The following PDE3A variants were observed in gnomAD, a reference collection of about 807,000 sequenced individuals.
The protein encoded by PDE3A is phosphodiesterase 3A.
PDE3A carries 43 observed loss-of-function variants against 98.3 expected under a neutral mutation model. The ratio of observed to expected loss-of-function variants is 0.44; its 90% confidence interval spans 0.34 to 0.56. The LOEUF is 0.56. PDE3A is among the 20% of genes least tolerant of loss of function. The probability of loss-of-function intolerance (pLI) is 0.01; values close to 1 mark genes in which losing one functional copy is unlikely to be tolerated. For synonymous variants in PDE3A, 663 were observed against 567.9 expected (o/e 1.17, Z -2.38); for missense variants, 1,427 against 1,440.7 (o/e 0.99, Z 0.15).
chr12:20,460,982 G>A (rs1237138103), intron 1 of PDE3A, among the ~76,000 whole-genome samples: 1 of 152,002 alleles, frequency 6.6e-6, no homozygotes, highest in Non-Finnish European at 1.5e-5. Context: ...TAGTATAATA[G>A]GCTACAGTAT....
intron 15 of PDE3A, 53 bp from the exon 16 acceptor site, chr12:20,679,977 T>C (rs1945734106): frequency 7.3e-7 from 1 of 1,374,162 alleles, no homozygotes; most frequent in Non-Finnish European, 9.9e-7. Flanking sequence ...GTTCATGTGC[T>C]CAGCACACAA....
chr12:20,592,177 G>T (rs1349156534), intron 2 of PDE3A, among the ~76,000 whole-genome samples: 1 of 152,058 alleles, frequency 6.6e-6, no homozygotes, highest in Non-Finnish European at 1.5e-5. Context: ...TGTTAGTTTG[G>T]ATTTAAGGGG....
intron 5 of PDE3A, among the ~76,000 whole-genome samples, chr12:20,622,995 TA>T (rs1243468143): frequency 2.0e-5 from 3 of 152,076 alleles, no homozygotes. Flanking sequence ...ATATTTAAAT[TA>T]AAATTTAATT....
At chr12:20,576,694 G>A (rs1395273765) in intron 2 of PDE3A, among the ~76,000 whole-genome samples, 3 of 152,046 alleles carry the variant, frequency 2.0e-5, no homozygotes, top group Admixed American at 1.3e-4. Context: ...TCAATTTACG[G>A]ATATTCACGG....
intron 15 of PDE3A, among the ~76,000 whole-genome samples, chr12:20,667,774 T>C (rs1305287710): frequency 1.3e-5 from 2 of 152,166 alleles, no homozygotes; most frequent in Non-Finnish European, 2.9e-5. Flanking sequence ...TCCATAGAGA[T>C]TTTGGAATTG....
chr12:20,669,604 T>G (rs1322586639), intron 15 of PDE3A, among the ~76,000 whole-genome samples: 2 of 151,940 alleles, frequency 1.3e-5, no homozygotes, highest in Non-Finnish European at 2.9e-5. Flanking sequence ...AAACTAAGCT[T>G]CATAAGCGAA....
intron 5 of PDE3A, among the ~76,000 whole-genome samples, chr12:20,623,034 A>C (rs577046613): frequency 1.5e-4 from 23 of 152,276 alleles, no homozygotes; most frequent in African/African-American, 5.5e-4. Flanking sequence ...AAGGAAAAAT[A>C]ATAGCAATGA....
At chr12:20,414,261 T>C (rs983594350) in intron 1 of PDE3A, among the ~76,000 whole-genome samples, 1 of 152,142 alleles carries the variant, frequency 6.6e-6, no homozygotes, top group Non-Finnish European at 1.5e-5. Flanking sequence ...TGGGAGCTTG[T>C]AGAAAAAGAA....
chr12:20,571,366 A>G (rs1348545036), intron 2 of PDE3A, among the ~76,000 whole-genome samples: 2 of 152,186 alleles, frequency 1.3e-5, no homozygotes, highest in South Asian at 2.1e-4. Context: ...CACCACAGCA[A>G]TAATATTGTA....
chr12:20,500,028 T>C (rs1445071852), intron 1 of PDE3A, among the ~76,000 whole-genome samples: 1 of 152,222 alleles, frequency 6.6e-6, no homozygotes, highest in African/African-American at 2.4e-5. Context: ...ACCAGCATAC[T>C]ACACTGTATC....
chr12:20,599,918 T>C lies in PDE3A; in HGVS notation c.1012-13525T>C, dbSNP rs568527092. Among the ~76,000 whole-genome samples, 262 of 152,312 alleles carry C rather than the reference T, an allele frequency of 1.7e-3. 3 individuals carry two copies. Among genetic ancestry groups the C allele is most frequent in the African/African-American group, 6.2e-3 (256 of 41,582 alleles). On this transcript the variant is annotated intron_variant, in intron 2 of 15. Coordinates refer to ENST00000359062, the MANE Select transcript of PDE3A (RefSeq NM_000921.5). Reference sequence around the variant, plus strand: ...TAGTCTGTAGAGTTGCCAGTGACCTTCCAAATACTAAACTCATAAACATTT... The same window carrying C: ...TAGTCTGTAGAGTTGCCAGTGACCTCCCAAATACTAAACTCATAAACATTT...
rs1347792146 is a variant in PDE3A, at chr12:20,684,887, G to GT, written c.*4617dup. Among the ~76,000 whole-genome samples, 2 of 151,998 alleles carry GT rather than the reference G, an allele frequency of 1.3e-5. No individual in the cohort carries two copies. The highest frequency in any genetic ancestry group is 3.9e-4 in the East Asian group (2 of 5,194). On this transcript the variant is annotated 3_prime_UTR_variant, in exon 16 of 16. Coordinates refer to ENST00000359062, the MANE Select transcript of PDE3A (RefSeq NM_000921.5). ...ATAACTTAAATTGAGATTTGCATAC[G>GT]TATTTGTGTGTTTCACACCAAAGAC...
chr12:20,427,414 T>C (rs1206127162), intron 1 of PDE3A, among the ~76,000 whole-genome samples: 1 of 152,216 alleles, frequency 6.6e-6, no homozygotes. Flanking sequence ...TAGTATGACC[T>C]TGGAAACTGA....
chr12:20,416,246 C>T (rs1030023804), intron 1 of PDE3A, among the ~76,000 whole-genome samples: 28 of 152,112 alleles, frequency 1.8e-4, no homozygotes, highest in African/African-American at 5.8e-4. Context: ...AATTCTCACT[C>T]GAGGTTATCA....
In PDE3A at chr12:20,605,773, T is replaced by G. The variant is rs140496701; in HGVS notation, c.1012-7670T>G. Among the ~76,000 whole-genome samples the G allele has an allele frequency of 3.9e-4, 60 of 152,326 alleles. No individual in the cohort carries two copies. The East Asian group carries it at 8.5e-3, about 22-fold the overall frequency. ...TAGATAATTTCTCAATTCTAATGTTTCAGCATTTGTAACCTATCTTCAAGT... is the reference window on the plus strand; with the variant it reads ...TAGATAATTTCTCAATTCTAATGTTGCAGCATTTGTAACCTATCTTCAAGT... On this transcript the variant is annotated intron_variant, in intron 2 of 15. Coordinates refer to ENST00000359062, the MANE Select transcript of PDE3A (RefSeq NM_000921.5).
intron 15 of PDE3A, among the ~76,000 whole-genome samples, chr12:20,654,774 A>G (rs562060811): frequency 8.2e-4 from 124 of 150,890 alleles, no homozygotes; most frequent in African/African-American, 2.9e-3. Context: ...GACCTCCCAA[A>G]GTGCTGGGAT....
chr12:20,546,096 A>G (rs941968833), intron 1 of PDE3A, among the ~76,000 whole-genome samples: 13 of 151,926 alleles, frequency 8.6e-5, no homozygotes. Context: ...GTAAATTATG[A>G]TATGCAGGCG....
At chr12:20,468,122 T>C (rs1209194251) in intron 1 of PDE3A, among the ~76,000 whole-genome samples, 2 of 152,124 alleles carry the variant, frequency 1.3e-5, no homozygotes, top group Non-Finnish European at 2.9e-5. Context: ...ATAGCAACAT[T>C]GTTCTATTAG....
intron 1 of PDE3A, among the ~76,000 whole-genome samples, chr12:20,430,631 G>A (rs756929593): frequency 6.6e-6 from 1 of 152,132 alleles, no homozygotes; most frequent in Non-Finnish European, 1.5e-5. Context: ...AACCATGAAA[G>A]TGAGCAAAGT....
Sources: allele counts gnomAD v4.1 joint callset (sites outside exome capture counted in the v4.1 genomes callset), GRCh38; gene constraint gnomAD v4.1.1; transcripts MANE v1.5; gene names NCBI Gene and HGNC (gene_info 2026-07-23, HGNC 2026-07-21).